The following DLG2 variants were observed in gnomAD, a reference collection of about 807,000 sequenced individuals.
DLG2 encodes disks large homolog 2.
DLG2 carries 45 observed loss-of-function variants against 132.5 expected under a neutral mutation model. The observed-to-expected ratio is 0.34, with a 90% CI of 0.27 to 0.44. The LOEUF (loss-of-function observed/expected upper bound fraction) is 0.44, where lower values mean the gene tolerates loss of function less well. Ranked by LOEUF, DLG2 falls within the 20% of genes least tolerant of loss-of-function variation. DLG2 has a pLI of 1.00. For missense variants in DLG2, 1,045 were observed against 1,196.9 expected, an observed-to-expected ratio of 0.87 and a Z score of 1.87; for synonymous variants, 424 against 419.6, an observed-to-expected ratio of 1.01 and a Z score of -0.13.
chr11:84,065,080 A>G (rs1679181920), intron 10 of DLG2, among the ~76,000 whole-genome samples: 1 of 152,220 alleles, frequency 6.6e-6, no homozygotes, highest in African/African-American at 2.4e-5. Context: ...GAGATGAATT[A>G]AAGACTTAAA....
At chr11:84,827,686 A>G (rs2078508045) in intron 6 of DLG2, among the ~76,000 whole-genome samples, 1 of 149,068 alleles carries the variant, frequency 6.7e-6, no homozygotes, top group East Asian at 2.0e-4. Flanking sequence ...CAAAAAAAAA[A>G]AAAAAAAAAA....
intron 6 of DLG2, among the ~76,000 whole-genome samples, chr11:85,022,320 G>A (rs1023193712): frequency 1.3e-5 from 2 of 151,992 alleles, no homozygotes; most frequent in African/African-American, 4.8e-5. Context: ...AGAACACTTG[G>A]TTCTTAAAAT....
At chr11:84,040,220 T>C (rs1566166331) in intron 11 of DLG2, among the ~76,000 whole-genome samples, 1 of 151,438 alleles carries the variant, frequency 6.6e-6, no homozygotes, top group Admixed American at 6.6e-5. Context: ...AGCTCTTTAG[T>C]TTAATTAGAT....
chr11:84,847,993 G>A (rs1489971979), intron 6 of DLG2, among the ~76,000 whole-genome samples: 1 of 152,146 alleles, frequency 6.6e-6, no homozygotes, highest in African/African-American at 2.4e-5. Context: ...GAAAGAAGAT[G>A]AGGAAGCTAC....
chr11:84,139,541 T>C (rs1392028758), intron 9 of DLG2, among the ~76,000 whole-genome samples: 1 of 151,742 alleles, frequency 6.6e-6, no homozygotes, highest in African/African-American at 2.4e-5. Flanking sequence ...ATAATACTTA[T>C]TAGGGCTAGG....
rs3040176 is a variant in DLG2 at position 83,668,068 on chromosome 11, T to TA, written c.1826-34744dup. On this transcript the variant is annotated intron_variant, in intron 18 of 27. Transcript: ENST00000376104. The stretch of plus-strand genomic sequence containing the variant: ...TTTGCAATTTTCTGGGGAAATGAAG[T>TA]AAAAAAAAAAAAAAAAAAAAAGCAG... 4.9e-3 allele frequency among the ~76,000 whole-genome samples: 392 copies of TA among 79,678 alleles called. 3 individuals are homozygous for TA. The highest frequency in any genetic ancestry group is 8.4e-3 in the South Asian group (18 of 2,132). The allele number at this position is 79,678 out of a possible 152,430, so 52.3% of individuals were successfully genotyped here.
chr11:84,579,636 G>A (rs561190133), intron 6 of DLG2, among the ~76,000 whole-genome samples: 1 of 152,254 alleles, frequency 6.6e-6, no homozygotes, highest in East Asian at 1.9e-4. Context: ...GAATCTGTGG[G>A]ATATGGATAT....
intron 15 of DLG2, among the ~76,000 whole-genome samples, chr11:83,886,159 G>A (rs1484838638): frequency 6.6e-6 from 1 of 152,102 alleles, no homozygotes; most frequent in Non-Finnish European, 1.5e-5. Context: ...CTGGCAAATT[G>A]GATAAAGAGT....
At chr11:83,837,780 C>A (rs1033277021) in intron 16 of DLG2, among the ~76,000 whole-genome samples, 3 of 139,692 alleles carry the variant, frequency 2.1e-5, no homozygotes, top group Non-Finnish European at 4.6e-5. Flanking sequence ...GAACTCACTA[C>A]AGTATCCTTC....
At chr11:85,114,388 C>G (rs895060169) in intron 5 of DLG2, among the ~76,000 whole-genome samples, 1 of 151,986 alleles carries the variant, frequency 6.6e-6, no homozygotes, top group Non-Finnish European at 1.5e-5. Flanking sequence ...CAAGGGAGAA[C>G]CTAGCTCTCT....
chr11:85,252,482 A>G (rs1595716693), intron 4 of DLG2, among the ~76,000 whole-genome samples: 1 of 152,174 alleles, frequency 6.6e-6, no homozygotes, highest in Non-Finnish European at 1.5e-5. Context: ...GATACTTGGG[A>G]GGCTGAAGCA....
intron 6 of DLG2, among the ~76,000 whole-genome samples, chr11:84,873,332 C>A (rs766312739): frequency 2.0e-5 from 3 of 152,178 alleles, no homozygotes; most frequent in Non-Finnish European, 4.4e-5. Context: ...CTGGAAAAGA[C>A]AAGAAAACAG....
At chr11:85,428,267 C>T (rs895421953) in intron 3 of DLG2, among the ~76,000 whole-genome samples, 10 of 152,272 alleles carry the variant, frequency 6.6e-5, no homozygotes, top group African/African-American at 2.2e-4. Context: ...CAGCTCTGCA[C>T]CAAGTGGACC....
intron 18 of DLG2, among the ~76,000 whole-genome samples, chr11:83,761,704 T>G (rs1430625568): frequency 1.3e-5 from 2 of 152,176 alleles, no homozygotes; most frequent in African/African-American, 4.8e-5. Context: ...CCCCCTGTGC[T>G]TCCCCCTATT....
chr11:84,539,160 T>A (rs1490824839), intron 6 of DLG2, among the ~76,000 whole-genome samples: 2 of 152,194 alleles, frequency 1.3e-5, no homozygotes, highest in East Asian at 3.8e-4. Context: ...ACATAGGTGT[T>A]ATTCTCTTTA....
At chr11:85,389,640 A>G (rs137885759) in intron 3 of DLG2, among the ~76,000 whole-genome samples, 41 of 152,338 alleles carry the variant, frequency 2.7e-4, no homozygotes, top group African/African-American at 8.9e-4. Context: ...AGGAAACCCT[A>G]TCAGATTAAC....
intron 2 of DLG2, among the ~76,000 whole-genome samples, chr11:85,614,905 A>T (rs1011111647): frequency 6.6e-6 from 1 of 152,204 alleles, no homozygotes; most frequent in Non-Finnish European, 1.5e-5. Flanking sequence ...TCTATCTGCC[A>T]CCAAAGCCCA....
chr11:85,368,360 T>C (rs975924898), intron 3 of DLG2, among the ~76,000 whole-genome samples: 1 of 152,232 alleles, frequency 6.6e-6, no homozygotes, highest in Non-Finnish European at 1.5e-5. Context: ...AATAAATTGA[T>C]GAGGCAACTT....
chr11:84,474,197 T>C (rs2099115792), intron 7 of DLG2, among the ~76,000 whole-genome samples: 1 of 152,036 alleles, frequency 6.6e-6, no homozygotes, highest in Admixed American at 6.6e-5. Flanking sequence ...CTCTCCTTAT[T>C]ATAAACAGTG....
Sources: gnomAD v4.1 joint callset for allele counts (sites outside exome capture counted in the v4.1 genomes callset) on GRCh38, gnomAD v4.1.1 for gene constraint, MANE v1.5 for transcripts, NCBI Gene and HGNC (gene_info 2026-07-23, HGNC 2026-07-21) for gene names.